The following SEMA3A variants were observed in gnomAD, a reference collection of about 807,000 sequenced individuals.
SEMA3A encodes the protein semaphorin-3A.
In SEMA3A, 29 loss-of-function variants were observed where a neutral mutation model predicts 97.9. The ratio of observed to expected loss-of-function variants is 0.30; its 90% confidence interval spans 0.22 to 0.40. The LOEUF (loss-of-function observed/expected upper bound fraction) is 0.40. Ranked by LOEUF, SEMA3A falls within the 10% of genes least tolerant of loss-of-function variation. The pLI is 1.00. For missense variants in SEMA3A, 763 were observed against 951.3 expected (o/e 0.80, Z 2.60); for synonymous variants, 321 against 323.7 (o/e 0.99, Z 0.09).
At chr7:84,403,641 C>T (rs553603618) in intron 1 of SEMA3A, among the ~76,000 whole-genome samples, 36 of 152,260 alleles carry the variant, frequency 2.4e-4, no homozygotes, top group Admixed American at 2.2e-3. Context: ...TGGGAGGCAC[C>T]CCCAGTAGGG....
intron 3 of SEMA3A, among the ~76,000 whole-genome samples, chr7:84,254,370 G>C (rs530010516): frequency 6.6e-6 from 1 of 152,188 alleles, no homozygotes; most frequent in Non-Finnish European, 1.5e-5. Flanking sequence ...CTTGAGTTGG[G>C]TTGCTAAAGT....
At chr7:84,122,142 T>G (rs140546750) in intron 3 of SEMA3A, among the ~76,000 whole-genome samples, 1 of 151,840 alleles carries the variant, frequency 6.6e-6, no homozygotes, top group South Asian at 2.1e-4. Context: ...CCACCAACAG[T>G]GTAAAACTGT....
chr7:84,450,473 C>T (rs2116363713), intron 1 of SEMA3A, among the ~76,000 whole-genome samples: 1 of 152,282 alleles, frequency 6.6e-6, no homozygotes, highest in African/African-American at 2.4e-5. Context: ...TGTGTTCAGG[C>T]TATAAAATGC....
At chr7:84,046,874 T>C (rs952247529) in intron 5 of SEMA3A, among the ~76,000 whole-genome samples, 1 of 152,090 alleles carries the variant, frequency 6.6e-6, no homozygotes, top group Non-Finnish European at 1.5e-5. Context: ...TTATAAAATC[T>C]TATTCATAGC....
intron 5 of SEMA3A, among the ~76,000 whole-genome samples, chr7:84,059,677 A>C (rs527664762): frequency 6.6e-6 from 1 of 152,098 alleles, no homozygotes; most frequent in Admixed American, 6.5e-5. Flanking sequence ...CATAATTTCT[A>C]CACAATTATG....
intron 4 of SEMA3A, among the ~76,000 whole-genome samples, chr7:84,090,991 C>T (rs888939416): frequency 1.3e-5 from 2 of 150,498 alleles, no homozygotes; most frequent in South Asian, 2.1e-4. Context: ...CACTTGAACC[C>T]GGGAGACAGA....
At chr7:84,301,612 T>A (rs1801018493) in intron 3 of SEMA3A, among the ~76,000 whole-genome samples, 1 of 152,154 alleles carries the variant, frequency 6.6e-6, no homozygotes, top group Admixed American at 6.6e-5. Flanking sequence ...GCAATTTTTT[T>A]GTTTTAAGGG....
chr7:84,142,727 T>C (rs1796328656), intron 1 of SEMA3A, among the ~76,000 whole-genome samples: 2 of 152,204 alleles, frequency 1.3e-5, no homozygotes, highest in Non-Finnish European at 2.9e-5. Flanking sequence ...TCTACAACTA[T>C]GGCTTTCACC....
At chr7:84,075,269 G>A (rs1198396210) in intron 4 of SEMA3A, among the ~76,000 whole-genome samples, 1 of 151,128 alleles carries the variant, frequency 6.6e-6, no homozygotes, top group African/African-American at 2.4e-5. Context: ...CACCTCCTGG[G>A]TTCAAGTGAT....
intron 3 of SEMA3A, among the ~76,000 whole-genome samples, chr7:84,284,479 C>T (rs1481495607): frequency 2.0e-5 from 3 of 152,146 alleles, no homozygotes; most frequent in Non-Finnish European, 4.4e-5. Flanking sequence ...TTACCATCAT[C>T]AGAATCTCCT....
chr7:84,237,595 T>G (rs1799265145), intron 3 of SEMA3A, among the ~76,000 whole-genome samples: 1 of 152,108 alleles, frequency 6.6e-6, no homozygotes, highest in Non-Finnish European at 1.5e-5. Context: ...AGATAGATAC[T>G]ATTATTGTCT....
At chr7:84,444,490 G>A (rs943283900) in intron 1 of SEMA3A, among the ~76,000 whole-genome samples, 2 of 151,764 alleles carry the variant, frequency 1.3e-5, no homozygotes, top group African/African-American at 4.8e-5. Flanking sequence ...AATTAAATTA[G>A]ATGAGCCATT....
chr7:84,072,920 G>T (rs73189355), intron 4 of SEMA3A, among the ~76,000 whole-genome samples: 9,029 of 152,068 alleles, frequency 0.059, 334 homozygotes, highest in East Asian at 0.2. Flanking sequence ...GAGACATTTT[G>T]CCTATAACAT....
At chr7:84,473,228 G>A (rs1030430438) in intron 1 of SEMA3A, among the ~76,000 whole-genome samples, 2 of 149,462 alleles carry the variant, frequency 1.3e-5, no homozygotes, top group Admixed American at 6.7e-5. Context: ...TCCTCTGAAG[G>A]TTTTATTATA....
chr7:84,030,620 G>A (rs1489637732), intron 6 of SEMA3A, among the ~76,000 whole-genome samples: 3 of 151,942 alleles, frequency 2.0e-5, no homozygotes, highest in African/African-American at 4.8e-5. Flanking sequence ...TTAAAATAAG[G>A]AGTCTAGATA....
intron 2 of SEMA3A, among the ~76,000 whole-genome samples, chr7:84,346,257 C>T (rs1449500138): frequency 6.6e-6 from 1 of 152,134 alleles, no homozygotes; most frequent in Non-Finnish European, 1.5e-5. Context: ...CTGGTTTGAT[C>T]TTCTATCCAG....
chr7:84,461,759 A>C (rs1805845637), intron 1 of SEMA3A, among the ~76,000 whole-genome samples: 1 of 152,206 alleles, frequency 6.6e-6, no homozygotes, highest in Non-Finnish European at 1.5e-5. Flanking sequence ...GAAAAGAAAA[A>C]CTAAAGCACA....
At chr7:84,382,373 C>G (rs761816645) in intron 1 of SEMA3A, among the ~76,000 whole-genome samples, 3 of 151,600 alleles carry the variant, frequency 2.0e-5, no homozygotes, top group Non-Finnish European at 4.4e-5. Flanking sequence ...TCCCAAACTA[C>G]TGGGGTTACA....
chr7:83,974,748 G>A (rs920084407), intron 15 of SEMA3A, among the ~76,000 whole-genome samples: 2 of 152,002 alleles, frequency 1.3e-5, no homozygotes, highest in Admixed American at 1.3e-4. Flanking sequence ...TGTAATTTAT[G>A]GTGTATATGG....
Sources: gnomAD v4.1 joint callset for allele counts (sites outside exome capture counted in the v4.1 genomes callset) on GRCh38, gnomAD v4.1.1 for gene constraint, MANE v1.5 for transcripts, NCBI Gene and HGNC (gene_info 2026-07-23, HGNC 2026-07-21) for gene names.